The following HIPK3 variants were observed in gnomAD, a reference collection of about 807,000 sequenced individuals.
HIPK3 encodes the protein homeodomain interacting protein kinase 3.
In HIPK3, 47 loss-of-function variants were observed where a neutral mutation model predicts 124.2. That is an observed-to-expected ratio of 0.38 (90% CI 0.30 to 0.48). The LOEUF is 0.48. Ranked by LOEUF, HIPK3 falls within the 20% of genes least tolerant of loss-of-function variation. The probability of loss-of-function intolerance (pLI) is 0.98; values close to 1 mark genes in which losing one functional copy is unlikely to be tolerated. For synonymous variants in HIPK3, 482 were observed against 515.2 expected, an observed-to-expected ratio of 0.94 and a Z score of 0.87; for missense variants, 1,286 against 1,454.3, an observed-to-expected ratio of 0.88 and a Z score of 1.88.
intron 1 of HIPK3, among the ~76,000 whole-genome samples, chr11:33,274,341 A>G (rs1463351173): frequency 6.6e-6 from 1 of 152,172 alleles, no homozygotes; most frequent in African/African-American, 2.4e-5. Context: ...ATAGATTTTC[A>G]TAAGAAATAA....
chr11:33,305,810 T>TTTTA (rs1198257498), intron 2 of HIPK3, among the ~76,000 whole-genome samples: 3 of 152,188 alleles, frequency 2.0e-5, no homozygotes, highest in African/African-American at 2.4e-5. Context: ...TTAGTGTATA[T>TTTTA]TTTATTGAAA....
rs1590359361 is a variant in HIPK3, at chr11:33,286,817, GATAATC to G, written c.407_412del (p.Asn136_His137del). On this transcript the variant is annotated inframe_deletion, in exon 2 of 17. Transcript: ENST00000303296. ...ATTGAAGCGCAAGAGTGAGGAGTTG[GATAATC>G]ATAGCAGCGCAATGCAGATTGTCGA... The G allele has an allele frequency of 6.2e-7, 1 of 1,614,134 alleles. No homozygotes were observed.
chr11:33,336,432 C>T (rs1009758509), intron 3 of HIPK3, among the ~76,000 whole-genome samples: 3 of 152,178 alleles, frequency 2.0e-5, no homozygotes, highest in Non-Finnish European at 4.4e-5. Flanking sequence ...ATCTAAATCT[C>T]TTTTGAATCC....
At chr11:33,274,188 T>C (rs556002730) in intron 1 of HIPK3, among the ~76,000 whole-genome samples, 2 of 152,350 alleles carry the variant, frequency 1.3e-5, no homozygotes, top group African/African-American at 4.8e-5. Context: ...CAGTGGGCAT[T>C]CGGTCAAATT....
intron 2 of HIPK3, among the ~76,000 whole-genome samples, chr11:33,318,740 A>G (rs1852578074): frequency 1.3e-5 from 2 of 152,228 alleles, no homozygotes; most frequent in Non-Finnish European, 2.9e-5. Context: ...CATAAAAGGA[A>G]CATAACAAAT....
intron 1 of HIPK3, among the ~76,000 whole-genome samples, chr11:33,276,659 TA>T (rs1394086309): frequency 6.6e-6 from 1 of 152,194 alleles, no homozygotes; most frequent in Non-Finnish European, 1.5e-5. Context: ...GTTATGTTAA[TA>T]AAATATATCT....
At chr11:33,273,309 C>G (rs1851185178) in intron 1 of HIPK3, among the ~76,000 whole-genome samples, 1 of 151,980 alleles carries the variant, frequency 6.6e-6, no homozygotes, top group Non-Finnish European at 1.5e-5. Context: ...TCAAGACCAT[C>G]CTGGCTAACA....
At chr11:33,258,010 C>A in intron 1 of HIPK3, 121 bp downstream of exon 1, 1 of 836,050 alleles carries the variant, frequency 1.2e-6, no homozygotes, top group Non-Finnish European at 1.4e-6. Flanking sequence ...TCCGGCGCAG[C>A]CCGCACTCAT....
rs905626696 is a variant in HIPK3 at position 33,272,844 on chromosome 11, G to A, written c.-2-13569G>A. 1.8e-4 allele frequency among the ~76,000 whole-genome samples: 5 copies of A among 28,518 alleles called. No individual in the cohort carries two copies. The East Asian group carries it at 3.9e-3, about 22-fold the overall frequency. The allele number at this position is 28,518 out of a possible 152,430, so 18.7% of individuals were successfully genotyped here. ...CTCTTTCTTCCTCCCCTCCCCTCCC[G>A]TTCCCTCCTGTCCCCTGTCGAGATG... On this transcript the variant is annotated intron_variant, in intron 1 of 16. Coordinates refer to ENST00000303296, the MANE Select transcript of HIPK3 (RefSeq NM_005734.5).
chr11:33,315,713 A>T (rs1209959674), intron 2 of HIPK3, among the ~76,000 whole-genome samples: 1 of 152,224 alleles, frequency 6.6e-6, no homozygotes, highest in African/African-American at 2.4e-5. Context: ...ATAGAAATGC[A>T]AATTATTGCT....
chr11:33,300,378 T>C (rs544435534), intron 2 of HIPK3, among the ~76,000 whole-genome samples: 2 of 152,188 alleles, frequency 1.3e-5, no homozygotes, highest in South Asian at 4.1e-4. Context: ...GCAGCCATTT[T>C]AACCTTCAGC....
intron 16 of HIPK3, 109 bp downstream of exon 16, chr11:33,352,374 C>G (rs1342751818): frequency 1.7e-6 from 2 of 1,188,766 alleles, no homozygotes; most frequent in Non-Finnish European, 2.4e-6. Flanking sequence ...ATGAATTTTT[C>G]CCTTCTCATT....
intron 2 of HIPK3, among the ~76,000 whole-genome samples, chr11:33,288,902 TTTA>T (rs1851626111): frequency 6.6e-6 from 1 of 152,124 alleles, no homozygotes; most frequent in Admixed American, 6.6e-5. Context: ...ATTCATGCAG[TTTA>T]TTGTTAGAAA....
intron 3 of HIPK3, among the ~76,000 whole-genome samples, chr11:33,334,191 A>T (rs1043661253): frequency 1.3e-5 from 2 of 152,190 alleles, no homozygotes; most frequent in Non-Finnish European, 2.9e-5. Flanking sequence ...CATGTAAAAA[A>T]TTGTAATATA....
chr11:33,296,992 C>T (rs1318420259), intron 2 of HIPK3, among the ~76,000 whole-genome samples: 1 of 151,448 alleles, frequency 6.6e-6, no homozygotes, highest in African/African-American at 2.4e-5. Context: ...AGTCAAGTGG[C>T]GAATACAAAG....
chr11:33,306,105 A>G (rs1228288061), intron 2 of HIPK3, among the ~76,000 whole-genome samples: 1 of 152,250 alleles, frequency 6.6e-6, no homozygotes, highest in Non-Finnish European at 1.5e-5. Flanking sequence ...AACTTAATTT[A>G]TAGAAGAGGC....
intron 3 of HIPK3, among the ~76,000 whole-genome samples, chr11:33,332,049 G>A (rs1853003602): frequency 6.6e-6 from 1 of 152,106 alleles, no homozygotes; most frequent in Admixed American, 6.5e-5. Context: ...ACGAGCCACC[G>A]CGCCTGGCCA....
intron 4 of HIPK3, among the ~76,000 whole-genome samples, chr11:33,337,662 TTCTC>T (rs965606567): frequency 1.3e-5 from 2 of 151,112 alleles, no homozygotes; most frequent in Non-Finnish European, 3.0e-5. Context: ...GGCCCCGTCC[TTCTC>T]TCTCTCTTTC....
intron 2 of HIPK3, among the ~76,000 whole-genome samples, chr11:33,303,246 CTTA>C (rs1184968030): frequency 2.0e-5 from 3 of 152,118 alleles, no homozygotes; most frequent in Non-Finnish European, 4.4e-5. Context: ...CTCTAGATTA[CTTA>C]TTATAATGCC....
Sources: allele counts gnomAD v4.1 joint callset (sites outside exome capture counted in the v4.1 genomes callset), GRCh38; gene constraint gnomAD v4.1.1; transcripts MANE v1.5; gene names NCBI Gene and HGNC (gene_info 2026-07-23, HGNC 2026-07-21).